The following NKAIN4 variants were observed in gnomAD, a reference collection of about 807,000 sequenced individuals.
The protein encoded by NKAIN4 is sodium/potassium transporting ATPase interacting 4.
NKAIN4 carries 28 observed loss-of-function variants against 28.8 expected under a neutral mutation model. That is an observed-to-expected ratio of 0.97 (90% CI 0.72 to 1.33). The LOEUF is 1.33. Among genes scored for constraint, NKAIN4 ranks in the 40% most tolerant of loss-of-function variants. The pLI, the probability that NKAIN4 is intolerant of heterozygous loss-of-function variation, is 0.00. For missense variants in NKAIN4, 289 were observed against 277.2 expected (o/e 1.04, Z -0.30); for synonymous variants, 122 against 115.6 (o/e 1.06, Z -0.36).
intron 1 of NKAIN4, chr20:63,253,498 G>C: frequency 1.0e-6 from 1 of 985,538 alleles, no homozygotes; most frequent in Non-Finnish European, 1.2e-6. Flanking sequence ...CTAGCTTCAA[G>C]AGGAGGAGGG....
chr20:63,246,148 TCA>T (rs377679374), intron 4 of NKAIN4, among the ~76,000 whole-genome samples: 18 of 152,324 alleles, frequency 1.2e-4, no homozygotes, highest in African/African-American at 4.1e-4. Context: ...CAGGATGGTC[TCA>T]GTCTCCTGAC....
rs201014841 is a variant in NKAIN4 at position 63,248,890 on chromosome 20, C to A, written c.198G>T (p.Thr66=). The change falls in exon 3 of 7, where the codon ACG becomes ACT. Residue 66 remains threonine (T), a synonymous_variant. Transcript: ENST00000370316. The part of the protein sequence containing the change: ...QYRLRYVMVY[T]LWAAVWVTWN... ...AGGTGACCCAGACGGCTGCCCACAG[C>A]GTGTACTAGGGAGAGGAGAGGATGG... 60 of 1,611,488 alleles carry A rather than the reference C, an allele frequency of 3.7e-5. No homozygotes were observed. The East Asian group carries it at 1.3e-3, about 35-fold the overall frequency.
chr20:63,247,089 G>A, intron 4 of NKAIN4: 3 of 1,033,498 alleles, frequency 2.9e-6, no homozygotes, highest in Non-Finnish European at 3.5e-6. Context: ...CGCCAGCCTT[G>A]CCAGATGCAT....
chr20:63,254,367 C>T, intron 1 of NKAIN4, 30 bp downstream of exon 1: 1 of 1,436,850 alleles, frequency 7.0e-7, no homozygotes, highest in South Asian at 1.4e-5. Flanking sequence ...CCGGGGGCTC[C>T]AGGAGGCTCG....
chr20:63,246,810 T>G, intron 4 of NKAIN4: 1 of 985,454 alleles, frequency 1.0e-6, no homozygotes, highest in Non-Finnish European at 1.2e-6. Context: ...TTTTGCCTCT[T>G]TCTGAGCACT....
At chr20:63,249,622 C>T (rs1241080372) in intron 2 of NKAIN4, among the ~76,000 whole-genome samples, 3 of 152,174 alleles carry the variant, frequency 2.0e-5, no homozygotes, top group Admixed American at 2.0e-4. Flanking sequence ...CCTGATTTCC[C>T]ATCTGTAAAG....
intron 3 of NKAIN4, 89 bp downstream of exon 3, chr20:63,248,726 C>T (rs770442104): frequency 1.2e-6 from 1 of 833,384 alleles, no homozygotes; most frequent in Non-Finnish European, 2.0e-6. Flanking sequence ...CCTCAGACGA[C>T]AGATGAAAAG....
chr20:63,248,355 C>G, intron 3 of NKAIN4: 1 of 180,644 alleles, frequency 5.5e-6, no homozygotes, highest in Non-Finnish European at 1.2e-5. Flanking sequence ...TGAACAGCCT[C>G]GGTCAGGGTC....
In NKAIN4 at chr20:63,241,473, G is replaced by A. The variant is rs2066749682; in HGVS notation, c.*24C>T. 2 of 1,550,452 alleles carry A rather than the reference G, an allele frequency of 1.3e-6. No homozygotes were observed. Among genetic ancestry groups the A allele is most frequent in the Non-Finnish European group, 1.7e-6 (2 of 1,146,912 alleles). ...CGGTCGCTGAGGCTGGAGGCCACAG[G>A]AGCAGGATCAGCTGTTTCCTCACTT... On this transcript the variant is annotated 3_prime_UTR_variant, in exon 7 of 7. Transcript: ENST00000370316.
chr20:63,250,693 GA>G (rs2066941808), intron 1 of NKAIN4, among the ~76,000 whole-genome samples: 3 of 152,136 alleles, frequency 2.0e-5, no homozygotes, highest in Admixed American at 1.3e-4. Flanking sequence ...GAGAACCAAT[GA>G]GGGGGGGAGG....
At chr20:63,253,282 C>T (rs936448966) in intron 1 of NKAIN4, 5 of 985,424 alleles carry the variant, frequency 5.1e-6, no homozygotes, top group Non-Finnish European at 6.0e-6. Context: ...TGCAGGACCT[C>T]AGGTTATCTC....
intron 6 of NKAIN4, among the ~76,000 whole-genome samples, 158 bp downstream of exon 6, chr20:63,242,381 G>A (rs988398281): frequency 5.3e-5 from 8 of 152,240 alleles, no homozygotes; most frequent in African/African-American, 1.2e-4. Context: ...AGCCTGGCAT[G>A]AAGCAGATGT....
chr20:63,248,689 C>G (rs980205277), intron 3 of NKAIN4, 126 bp downstream of exon 3: 21 of 682,068 alleles, frequency 3.1e-5, no homozygotes, highest in Non-Finnish European at 5.3e-5. Flanking sequence ...GTGCTGGGGA[C>G]AGAGCCATGC....
At position 63,248,908 on chromosome 20, in the gene NKAIN4, G is replaced by C. The variant is rs751548695; in HGVS notation, c.193-13C>G. 1.2e-6 allele frequency: 2 copies of C among 1,600,816 alleles called. No homozygotes were observed. The highest frequency in any genetic ancestry group is 2.2e-5 in the South Asian group (2 of 90,798). On this transcript the variant is annotated splice_polypyrimidine_tract_variant and intron_variant, in intron 2 of 6. Transcript: ENST00000370316. ...CCCACAGCGTGTACTAGGGAGAGGAGAGGATGGGGCGGCAGCTGAACACAG... is the reference window on the plus strand; with the variant it reads ...CCCACAGCGTGTACTAGGGAGAGGACAGGATGGGGCGGCAGCTGAACACAG...
chr20:63,244,134 G>A, intron 4 of NKAIN4, 50 bp from the exon 5 acceptor site: 5 of 1,565,356 alleles, frequency 3.2e-6, no homozygotes, highest in East Asian at 2.3e-5. Flanking sequence ...CGAGCCTGTG[G>A]GGTGTCATTG....
intron 5 of NKAIN4, among the ~76,000 whole-genome samples, chr20:63,243,471 C>A (rs560728126): frequency 5.3e-5 from 8 of 152,150 alleles, no homozygotes; most frequent in Admixed American, 3.9e-4. Flanking sequence ...CTTCCCCACC[C>A]GGCTCTATCC....
upstream of NKAIN4, chr20:63,254,567 T>G: frequency 1.7e-6 from 1 of 576,724 alleles, no homozygotes; most frequent in Non-Finnish European, 2.2e-6. Context: ...CGTTCCCCCC[T>G]CCTCCCCGCA....
At chr20:63,242,173 C>T (rs1177958213) in intron 6 of NKAIN4, among the ~76,000 whole-genome samples, 4 of 152,290 alleles carry the variant, frequency 2.6e-5, no homozygotes, top group Non-Finnish European at 5.9e-5. Flanking sequence ...GCCAGGGCCC[C>T]AGCTCCTGCC....
rs893003113 is a variant in NKAIN4, at chr20:63,245,378, C to T, written c.472-1294G>A. 1.3e-5 allele frequency among the ~76,000 whole-genome samples: 2 copies of T among 152,106 alleles called. No homozygotes were observed. Among genetic ancestry groups the T allele is most frequent in the African/African-American group, 4.8e-5 (2 of 41,414 alleles). ...AAGACGCCCCCATCCCGGAGCTGGC[C>T]GTGGCGCCGAACAGGCAGCCGAGCT... On this transcript the variant is annotated intron_variant, in intron 4 of 6. Transcript: ENST00000370316. This position sits in a 1 kb window ranked among gnomAD's most constrained non-coding sequence, Gnocchi z 4.7.
Sources: gnomAD v4.1 joint callset for allele counts (sites outside exome capture counted in the v4.1 genomes callset) on GRCh38, gnomAD v4.1.1 for gene constraint, Gnocchi (gnomAD v3.1) non-coding constraint, MANE v1.5 for transcripts, NCBI Gene and HGNC (gene_info 2026-07-23, HGNC 2026-07-21) for gene names.